CNTN4: variants seen among roughly 807,000 people sequenced by gnomAD.
CNTN4 encodes contactin 4.
CNTN4 carries 77 observed loss-of-function variants against 122.5 expected under a neutral mutation model. The observed-to-expected ratio is 0.63, with a 90% CI of 0.52 to 0.76. The LOEUF (loss-of-function observed/expected upper bound fraction) is 0.76, where lower values mean the gene tolerates loss of function less well. CNTN4 is among the 30% of genes least tolerant of loss of function. The pLI, the probability that CNTN4 is intolerant of heterozygous loss-of-function variation, is 0.00. For missense variants in CNTN4, 1,256 were observed against 1,259.1 expected (o/e 1.00, Z 0.04); for synonymous variants, 512 against 447.0 (o/e 1.15, Z -1.83).
chr3:2,853,724 C>T (rs1362753554), intron 7 of CNTN4, among the ~76,000 whole-genome samples: 1 of 152,198 alleles, frequency 6.6e-6, no homozygotes. Context: ...ACACTTTGCG[C>T]TCGCTCTCTG....
intron 2 of CNTN4, among the ~76,000 whole-genome samples, chr3:2,141,569 T>A (rs1165079952): frequency 6.6e-6 from 1 of 152,206 alleles, no homozygotes; most frequent in Non-Finnish European, 1.5e-5. Flanking sequence ...TGCTTTAAAT[T>A]ACTACATTTG....
rs374844178 is a variant in CNTN4 at position 2,887,117 on chromosome 3, G to T, written c.833G>T (p.Gly278Val). Residue 278 changes from glycine (G) to valine (V), a missense_variant, in exon 10 of 25, where the codon GGA becomes GTA. By Grantham distance (109) the Gly-to-Val change is moderately radical. Coordinates refer to ENST00000418658, the MANE Select transcript of CNTN4 (RefSeq NM_175607.3). ...AAAGCCAGAAGACACAAGTCAAATG[G>T]AATTCTTGAGATCCCTAATTTTCAG... ...ARKARRHKSN[G>V]ILEIPNFQQE... The T allele has an allele frequency of 6.2e-7, 1 of 1,614,098 alleles. No homozygotes were observed. Among genetic ancestry groups the T allele is most frequent in the African/African-American group, 1.3e-5 (1 of 75,042 alleles).
At position 2,740,720 on chromosome 3, in the gene CNTN4, G is replaced by T. The variant is rs2089412497; in HGVS notation, c.182+4379G>T. Reference sequence around the variant, plus strand: ...CAAATATATATGTCATAGTTTAGGAGAGACTGGAGTCATCAGGTAGGGTTC... The same window carrying T: ...CAAATATATATGTCATAGTTTAGGATAGACTGGAGTCATCAGGTAGGGTTC... On this transcript the variant is annotated intron_variant, in intron 5 of 24. Coordinates refer to ENST00000418658, the MANE Select transcript of CNTN4 (RefSeq NM_175607.3). Among the ~76,000 whole-genome samples, 6 of 152,112 alleles carry T rather than the reference G, an allele frequency of 3.9e-5. No homozygotes were observed. In the South Asian group the frequency reaches 1.2e-3, roughly 31 times the overall value.
intron 3 of CNTN4, among the ~76,000 whole-genome samples, chr3:2,367,019 G>A (rs897474008): frequency 6.6e-6 from 1 of 152,000 alleles, no homozygotes; most frequent in African/African-American, 2.4e-5. Context: ...TTTAATATAT[G>A]TGGTCTCTTG....
chr3:2,141,410 C>G (rs941751910), intron 2 of CNTN4, among the ~76,000 whole-genome samples: 1 of 152,022 alleles, frequency 6.6e-6, no homozygotes, highest in African/African-American at 2.4e-5. Context: ...CAAGGTCAGT[C>G]CCTAGAAACT....
Position 2,509,827 on chromosome 3 carries a change from A to G in CNTN4, c.-88-61589A>G, listed in dbSNP as rs141930303. ...TCACCTTTCTCTACCTTTGGATAGT[A>G]GGGATGAAAGAAAGTAAGATGGAGA... On this transcript the variant is annotated intron_variant, in intron 3 of 24. Transcript: ENST00000418658. 2.1e-3 allele frequency among the ~76,000 whole-genome samples: 318 copies of G among 152,328 alleles called. 3 individuals are homozygous for G. The highest frequency in any genetic ancestry group is 7.4e-3 in the African/African-American group (306 of 41,590).
rs545454027 is a variant in CNTN4 at position 2,316,080 on chromosome 3, T to C, written c.-144-23098T>C. Among the ~76,000 whole-genome samples, 231 of 152,212 alleles carry C rather than the reference T, an allele frequency of 1.5e-3. 2 individuals are homozygous for C. The highest frequency in any genetic ancestry group is 2.2e-3 in the Non-Finnish European group (148 of 67,958). On this transcript the variant is annotated intron_variant, in intron 2 of 24. Coordinates refer to ENST00000418658, the MANE Select transcript of CNTN4 (RefSeq NM_175607.3). ...CCAAATGTCTCATCCTTGTGTTTTA[T>C]TTGATTTTGAAGATGTGGGTCATCT... is the stretch of plus-strand genomic sequence containing the variant.
At chr3:2,435,223 G>C (rs1050556284) in intron 3 of CNTN4, among the ~76,000 whole-genome samples, 2 of 152,074 alleles carry the variant, frequency 1.3e-5, no homozygotes, top group Non-Finnish European at 2.9e-5. Context: ...TCATCCCTCA[G>C]TGTCTGCGAG....
At chr3:2,759,630 G>A (rs1236746421) in intron 6 of CNTN4, among the ~76,000 whole-genome samples, 2 of 151,192 alleles carry the variant, frequency 1.3e-5, no homozygotes. Flanking sequence ...ATTTCTCTTG[G>A]GTATATTCCT....
intron 14 of CNTN4, among the ~76,000 whole-genome samples, chr3:3,011,801 GTC>G (rs1409235414): frequency 2.0e-5 from 3 of 151,972 alleles, no homozygotes; most frequent in Non-Finnish European, 4.4e-5. Context: ...CCCCGCCCCA[GTC>G]TCTGCATGTT....
At chr3:2,171,051 G>A (rs937233692) in intron 2 of CNTN4, among the ~76,000 whole-genome samples, 3 of 152,114 alleles carry the variant, frequency 2.0e-5, no homozygotes, top group Non-Finnish European at 4.4e-5. Flanking sequence ...CCTGATTTTA[G>A]TCGAATAACT....
chr3:2,905,820 C>G (rs1379034594), intron 12 of CNTN4, among the ~76,000 whole-genome samples: 1 of 152,192 alleles, frequency 6.6e-6, no homozygotes, highest in African/African-American at 2.4e-5. Context: ...TAGATTTTGA[C>G]AAACACAAAG....
intron 4 of CNTN4, among the ~76,000 whole-genome samples, chr3:2,622,877 T>C (rs1226332033): frequency 6.6e-6 from 1 of 152,218 alleles, no homozygotes; most frequent in African/African-American, 2.4e-5. Flanking sequence ...GCCAGCACTC[T>C]TAGGGATTAG....
At position 2,866,745 on chromosome 3, in the gene CNTN4, C is replaced by G. The variant is rs770260587; in HGVS notation, c.455-7C>G. 6.2e-7 allele frequency: 1 copy of G among 1,612,668 alleles called. No homozygotes were observed. The highest frequency in any genetic ancestry group is 8.5e-7 in the Non-Finnish European group (1 of 1,178,936). On this transcript the variant is annotated splice_region_variant and splice_polypyrimidine_tract_variant and intron_variant, in intron 7 of 24. Coordinates refer to ENST00000418658, the MANE Select transcript of CNTN4 (RefSeq NM_175607.3). ...CATATTTGTAATGAAGATTTTTTTC[C>G]TTTCAGAGCTGAGTTATGCCTGGAT...
intron 2 of CNTN4, among the ~76,000 whole-genome samples, chr3:2,122,097 G>T (rs1370610559): frequency 6.6e-6 from 1 of 151,324 alleles, no homozygotes; most frequent in African/African-American, 2.4e-5. Flanking sequence ...GGAGCTTGCA[G>T]TGAGCTGAGA....
chr3:2,936,628 A>G (rs551967875), intron 13 of CNTN4, among the ~76,000 whole-genome samples: 1 of 151,978 alleles, frequency 6.6e-6, no homozygotes, highest in Admixed American at 6.6e-5. Flanking sequence ...CTTTTCTTCA[A>G]ATGGCTTCTT....
At chr3:2,346,811 C>T (rs1357597578) in intron 3 of CNTN4, among the ~76,000 whole-genome samples, 1 of 152,138 alleles carries the variant, frequency 6.6e-6, no homozygotes, top group Non-Finnish European at 1.5e-5. Context: ...TCCAAGTATG[C>T]ATTTTTGTTG....
In CNTN4 at chr3:2,723,500, C is replaced by G. The variant is rs189900106; in HGVS notation, c.56-12715C>G. ...GTCTGGTGAGGGCTGCTCTGTGCTT[C>G]CAAGGTGGCACCCTGTTATTGCGTC... On this transcript the variant is annotated intron_variant, in intron 4 of 24. Coordinates refer to ENST00000418658, the MANE Select transcript of CNTN4 (RefSeq NM_175607.3). Among the ~76,000 whole-genome samples the G allele has an allele frequency of 3.9e-5, 6 of 152,286 alleles. No individual in the cohort carries two copies. The East Asian group carries it at 9.7e-4, about 25-fold the overall frequency.
chr3:2,806,634 G>A (rs1363832739), intron 6 of CNTN4, among the ~76,000 whole-genome samples: 3 of 152,150 alleles, frequency 2.0e-5, no homozygotes, highest in Non-Finnish European at 4.4e-5. Context: ...TTGTTTTGCT[G>A]GGGAGCTGTT....
Sources: allele counts gnomAD v4.1 joint callset (sites outside exome capture counted in the v4.1 genomes callset), GRCh38; gene constraint gnomAD v4.1.1; transcripts MANE v1.5; gene names NCBI Gene and HGNC (gene_info 2026-07-23, HGNC 2026-07-21).